Variants in TRMT44 observed in about 807,000 individuals in gnomAD.
The protein encoded by TRMT44 is probable tRNA (uracil-O(2)-)-methyltransferase.
In TRMT44, 78 loss-of-function variants were observed where a neutral mutation model predicts 77.3. That is an observed-to-expected ratio of 1.01 (90% CI 0.84 to 1.22). TRMT44 has a LOEUF of 1.22. TRMT44 is among the 50% of genes most tolerant of loss of function. The pLI, the probability that TRMT44 is intolerant of heterozygous loss-of-function variation, is 0.00. For synonymous variants in TRMT44, 391 were observed against 383.3 expected, an observed-to-expected ratio of 1.02 and a Z score of -0.23; for missense variants, 1,090 against 964.4, an observed-to-expected ratio of 1.13 and a Z score of -1.73.
rs1421932612 is a variant in TRMT44, at chr4:8,461,196, G to A, written c.1204-2789G>A. Among the ~76,000 whole-genome samples, 3 of 152,088 alleles carry A rather than the reference G, an allele frequency of 2.0e-5. No individual in the cohort carries two copies. The highest frequency in any genetic ancestry group is 7.2e-5 in the African/African-American group (3 of 41,422). On this transcript the variant is annotated intron_variant, in intron 6 of 10. Transcript: ENST00000389737. The surrounding 1 kb of genome is among the most constrained non-coding windows in gnomAD (Gnocchi z 4.6). ...CATTTACTCTTTGCTTTGTTTTACAGTGATTGGCAGTTGCTTGTCCACTCA... is the reference window on the plus strand; with the variant it reads ...CATTTACTCTTTGCTTTGTTTTACAATGATTGGCAGTTGCTTGTCCACTCA...
At chr4:8,473,926 C>T (rs914754882) in intron 10 of TRMT44, among the ~76,000 whole-genome samples, 5 of 152,294 alleles carry the variant, frequency 3.3e-5, no homozygotes, top group Non-Finnish European at 5.9e-5. Context: ...AGCCTGCCTG[C>T]GCCGTTCGGG....
At chr4:8,503,061 A>C in the TRMT44 span, among the ~76,000 whole-genome samples, 1 of 152,228 alleles carries the variant, frequency 6.6e-6, no homozygotes, top group Non-Finnish European at 1.5e-5. Context: ...GCAGAGGCCA[A>C]GGTTTGGTTT....
downstream of TRMT44, among the ~76,000 whole-genome samples, chr4:8,498,478 T>TA (rs1728214219): frequency 6.6e-6 from 1 of 152,304 alleles, no homozygotes. The surrounding 1 kb of genome is among the most constrained non-coding windows in gnomAD (Gnocchi z 4.3). Context: ...TCAGGAGACT[T>TA]ACAATCATGG....
chr4:8,501,269 C>T, the TRMT44 span, among the ~76,000 whole-genome samples: 1 of 152,136 alleles, frequency 6.6e-6, no homozygotes, highest in East Asian at 1.9e-4. This position sits in a 1 kb window ranked among gnomAD's most constrained non-coding sequence, Gnocchi z 4.4. Flanking sequence ...GACCCCTGGT[C>T]CATCGGGGGA....
intron 6 of TRMT44, among the ~76,000 whole-genome samples, chr4:8,459,984 C>T (rs1034584353): frequency 1.3e-5 from 2 of 152,102 alleles, no homozygotes; most frequent in East Asian, 1.9e-4. Context: ...TCAAGACACC[C>T]GGGGGTCTGG....
In TRMT44 at chr4:8,440,833, T is replaced by C. The variant is rs942663981; in HGVS notation, c.11T>C (p.Val4Ala). MAEVGRTGISYPGA... is the reference protein window; with the variant it reads MAEAGRTGISYPGA... ...CACCTGCTGGCTGCCATGGCTGAGG[T>C]GGGCCGTACCGGGATCAGCTACCCA... is the stretch of plus-strand genomic sequence containing the variant. The change falls in exon 1 of 11, where the codon GTG becomes GCG. Residue 4 changes from valine (V) to alanine (A), a missense_variant. Physicochemically the swap from Val to Ala is moderately conservative, Grantham distance 64 (BLOSUM62 0). Transcript: ENST00000389737. 3 of 1,486,066 alleles carry C rather than the reference T, an allele frequency of 2.0e-6. No homozygotes were observed. The African/African-American group carries it at 4.3e-5, about 21-fold the overall frequency. The allele number at this position is 1,486,066 out of a possible 1,614,324, so 92.1% of individuals were successfully genotyped here.
chr4:8,467,636 A>G lies in TRMT44; in HGVS notation c.1495-278A>G, dbSNP rs1220333852. Among the ~76,000 whole-genome samples, 4 of 152,234 alleles carry G rather than the reference A, an allele frequency of 2.6e-5. No homozygotes were observed. In the East Asian group the frequency reaches 5.8e-4, roughly 22 times the overall value. On this transcript the variant is annotated intron_variant, in intron 8 of 10. Coordinates refer to ENST00000389737, the MANE Select transcript of TRMT44 (RefSeq NM_152544.3). Reference sequence around the variant, plus strand: ...GCTGGGACTACAGGTGAGGGCCACCACGCCCGGCTAATTTTTGTATTTGTA... The same window carrying G: ...GCTGGGACTACAGGTGAGGGCCACCGCGCCCGGCTAATTTTTGTATTTGTA...
rs368292814 is a variant in TRMT44 at position 8,485,103 on chromosome 4, G to A, written n.3891+5570G>A. ...GGGGTGGAAATAAAGTAAATCATGA[G>A]AAAGAGCTTGGCTGAAGTAATGAGG... On this transcript the variant is annotated intron_variant and non_coding_transcript_variant, in intron 2 of 2. Coordinates refer to the TRMT44 transcript ENST00000511366. Among the ~76,000 whole-genome samples, 24 of 152,324 alleles carry A rather than the reference G, an allele frequency of 1.6e-4. No individual in the cohort carries two copies. In the East Asian group the frequency reaches 3.3e-3, roughly 21 times the overall value.
rs764937866 is a variant in TRMT44 at position 8,471,210 on chromosome 4, C to G, written c.2044+10C>G. 6.6e-7 allele frequency: 1 copy of G among 1,507,998 alleles called. No individual in the cohort carries two copies. The highest frequency in any genetic ancestry group is 9.0e-7 in the Non-Finnish European group (1 of 1,110,754). The allele number at this position is 1,507,998 out of a possible 1,614,324, so 93.4% of individuals were successfully genotyped here. A position where few individuals can be genotyped will look rare whatever the true frequency, so the allele number is the denominator to read the frequency against. On this transcript the variant is annotated intron_variant, in intron 10 of 10. Coordinates refer to ENST00000389737, the MANE Select transcript of TRMT44 (RefSeq NM_152544.3). ...CACCAGGTGTTCCAAGGTACGGAGT[C>G]CGCCTCTCCCCCGCCGTTCTTTCCT...
At chr4:8,508,159 G>A in the TRMT44 span, among the ~76,000 whole-genome samples, 4 of 152,276 alleles carry the variant, frequency 2.6e-5, no homozygotes, top group African/African-American at 9.6e-5. Flanking sequence ...TGCCTGCCTC[G>A]GCCTCCCAGA....
the TRMT44 span, among the ~76,000 whole-genome samples, chr4:8,503,734 C>G: frequency 0.15 from 23,081 of 152,264 alleles, 2,097 homozygotes; most frequent in African/African-American, 0.25. Flanking sequence ...TTCCTCTTCT[C>G]TTGCTTTGGC....
intron 2 of TRMT44, among the ~76,000 whole-genome samples, chr4:8,447,685 A>G (rs1332158345): frequency 1.3e-5 from 2 of 152,186 alleles, no homozygotes; most frequent in Non-Finnish European, 2.9e-5. Context: ...AGGGGTGCTC[A>G]GGCCCTGTAG....
At chr4:8,449,958 T>TTTTC in intron 3 of TRMT44, 70 bp downstream of exon 3, 1 of 734,508 alleles carries the variant, frequency 1.4e-6, no homozygotes, top group Non-Finnish European at 1.9e-6. Flanking sequence ...TCTTTTTTTT[T>TTTTC]TTTTTTTTTT....
At chr4:8,488,235 C>A (rs1727877996) in intron 2 of TRMT44, among the ~76,000 whole-genome samples, 1 of 152,162 alleles carries the variant, frequency 6.6e-6, no homozygotes, top group Non-Finnish European at 1.5e-5. Flanking sequence ...AAGGGAGGTT[C>A]CCCGGTCCGA....
intron 10 of TRMT44, chr4:8,473,720 A>C (rs190150915): frequency 6.6e-6 from 1 of 152,382 alleles, no homozygotes; most frequent in African/African-American, 2.4e-5. Context: ...AATGAGGAGC[A>C]CATTTCCAGA....
rs1489264899 is a variant in TRMT44 at position 8,449,742 on chromosome 4, C to A, written c.808C>A (p.Leu270Ile). 4 of 1,536,048 alleles carry A rather than the reference C, an allele frequency of 2.6e-6. No individual in the cohort carries two copies. Among genetic ancestry groups the A allele is most frequent in the Middle Eastern group, 1.7e-4 (1 of 5,990 alleles). ...AATCGTGTATCCCAAACCCACGTGGCTTGGAGAAGAGTTGCTGGCCAAGTT... is the reference window on the plus strand; with the variant it reads ...AATCGTGTATCCCAAACCCACGTGGATTGGAGAAGAGTTGCTGGCCAAGTT... The part of the protein sequence containing the change: ...DGIVYPKPTW[L>I]GEELLAKLAK... Residue 270 changes from leucine to isoleucine, a missense_variant, in exon 3 of 11, where the codon CTT becomes ATT. Leu to Ile is a conservative substitution (Grantham distance 5, BLOSUM62 2). Coordinates refer to ENST00000389737, the MANE Select transcript of TRMT44 (RefSeq NM_152544.3).
the TRMT44 span, among the ~76,000 whole-genome samples, chr4:8,500,043 A>G: frequency 6.6e-6 from 1 of 152,218 alleles, no homozygotes; most frequent in Non-Finnish European, 1.5e-5. Flanking sequence ...AGCCTGGGCA[A>G]CATAGCAAGA....
chr4:8,471,693 C>T (rs2109182461), intron 10 of TRMT44, among the ~76,000 whole-genome samples: 1 of 152,380 alleles, frequency 6.6e-6, no homozygotes, highest in South Asian at 2.1e-4. Context: ...GGCGGAGGTC[C>T]TGGTACCCAG....
At position 8,446,015 on chromosome 4, in the gene TRMT44, G is replaced by C. The variant is rs968256820; in HGVS notation, c.620-461G>C. ...TGTGAAGTCCGTACATGCAGCAAGGGCTCCACACAACATAAAGCGGTTGTT... is the reference window on the plus strand; with the variant it reads ...TGTGAAGTCCGTACATGCAGCAAGGCCTCCACACAACATAAAGCGGTTGTT... On this transcript the variant is annotated intron_variant, in intron 1 of 10. Coordinates refer to ENST00000389737, the MANE Select transcript of TRMT44 (RefSeq NM_152544.3). This position sits in a 1 kb window ranked among gnomAD's most constrained non-coding sequence, Gnocchi z 4.3. 1.1e-4 allele frequency among the ~76,000 whole-genome samples: 16 copies of C among 152,252 alleles called. No homozygotes were observed. The highest frequency in any genetic ancestry group is 9.2e-4 in the Admixed American group (14 of 15,284).
Sources: gnomAD v4.1 joint callset for allele counts (sites outside exome capture counted in the v4.1 genomes callset) on GRCh38, gnomAD v4.1.1 for gene constraint, Gnocchi (gnomAD v3.1) non-coding constraint, MANE v1.5 for transcripts, NCBI Gene and HGNC (gene_info 2026-07-23, HGNC 2026-07-21) for gene names.